The following AMZ1 variants were observed in gnomAD, a reference collection of about 807,000 sequenced individuals.
AMZ1 encodes archaemetzincin-1.
A neutral mutation model predicts 29.9 loss-of-function variants in AMZ1; 39 were observed. The observed-to-expected ratio is 1.30, with a 90% CI of 1.01 to 1.70. The LOEUF is 1.70. AMZ1 is among the 40% of genes most tolerant of loss of function. The probability of loss-of-function intolerance (pLI) is 0.00; values close to 1 mark genes in which losing one functional copy is unlikely to be tolerated. For missense variants in AMZ1, 1,041 were observed against 680.6 expected (o/e 1.53, Z -5.89); for synonymous variants, 458 against 304.0 (o/e 1.51, Z -5.27).
chr7:2,694,828 A>C (rs1373533076), intron 1 of AMZ1, among the ~76,000 whole-genome samples: 2 of 151,866 alleles, frequency 1.3e-5, no homozygotes, highest in Non-Finnish European at 2.9e-5. Context: ...ATGTGCCACC[A>C]CGCCTGGCTA....
At position 2,717,990 on chromosome 7, in the gene AMZ1, G is replaced by T. The variant is rs980430969; in HGVS notation, c.*5112G>T. ...GAGTCGAGCAAACACGGCGGCCCCTGCCTCCCCCGGCGGCTCCACAATGGC... is the reference window on the plus strand; with the variant it reads ...GAGTCGAGCAAACACGGCGGCCCCTTCCTCCCCCGGCGGCTCCACAATGGC... On this transcript the variant is annotated 3_prime_UTR_variant, in exon 7 of 7. Coordinates refer to ENST00000683327, the MANE Select transcript of AMZ1 (RefSeq NM_001384743.1). Among the ~76,000 whole-genome samples, 10 of 152,296 alleles carry T rather than the reference G, an allele frequency of 6.6e-5. No individual in the cohort carries two copies. Among genetic ancestry groups the T allele is most frequent in the African/African-American group, 2.4e-4 (10 of 41,558 alleles).
chr7:2,762,504 C>G, upstream of AMZ1: 1 of 911,616 alleles, frequency 1.1e-6, no homozygotes, highest in South Asian at 2.0e-5. Context: ...TGTGAGTAGC[C>G]TAACTGTGGA....
At chr7:2,739,955 G>C (rs1790415427) in intron 4 of AMZ1, among the ~76,000 whole-genome samples, 1 of 152,204 alleles carries the variant, frequency 6.6e-6, no homozygotes, top group South Asian at 2.1e-4. Context: ...TTACAGGTGT[G>C]AGTCACTGTG....
upstream of AMZ1, among the ~76,000 whole-genome samples, chr7:2,764,246 T>TTC (rs1196812974): frequency 1.2e-4 from 10 of 80,604 alleles, no homozygotes; most frequent in African/African-American, 3.6e-4. Flanking sequence ...GCTAATTTCT[T>TTC]TTTTTTTTTT....
rs757467508 is a variant in AMZ1, at chr7:2,709,258, C to T, written c.771+14C>T. 2 of 1,488,472 alleles carry T rather than the reference C, an allele frequency of 1.3e-6. No homozygotes were observed. The highest frequency in any genetic ancestry group is 5.0e-5 in the Admixed American group (2 of 39,972). 92.2% of individuals were successfully genotyped at this position (1,488,472 alleles called of 1,614,324 possible). ...CAGTGCTGCAAGGTGGGTGGGGGCT[C>T]TGGGGCTGGTAAGAGGGGACAGGAG... On this transcript the variant is annotated intron_variant, in intron 5 of 6. Coordinates refer to ENST00000683327, the MANE Select transcript of AMZ1 (RefSeq NM_001384743.1).
chr7:2,717,440 C>T lies in AMZ1; in HGVS notation c.*4562C>T, dbSNP rs891927902. Among the ~76,000 whole-genome samples the T allele has an allele frequency of 1.3e-5, 2 of 152,194 alleles. No homozygotes were observed. The highest frequency in any genetic ancestry group is 2.9e-5 in the Non-Finnish European group (2 of 68,034). On this transcript the variant is annotated 3_prime_UTR_variant, in exon 7 of 7. Transcript: ENST00000683327. ...CTGGCTGCCGTCCTGGGAGAGGCCC[C>T]GGGAACCGGCTCGCCCTGTACCCAA... is the stretch of plus-strand genomic sequence containing the variant.
upstream of AMZ1, chr7:2,763,190 CAACACACACACA>C (rs1388484339): frequency 5.7e-4 from 174 of 307,852 alleles, no homozygotes; most frequent in African/African-American, 6.2e-3. Context: ...CAAGACACCC[CAACACACACACA>C]CACACACACA....
chr7:2,685,910 C>G (rs996188662), upstream of AMZ1, among the ~76,000 whole-genome samples: 3 of 151,814 alleles, frequency 2.0e-5, no homozygotes, highest in African/African-American at 7.3e-5. Flanking sequence ...TCTGGGTTCT[C>G]CATCCCCAAC....
chr7:2,739,872 C>G (rs146679860), intron 4 of AMZ1, among the ~76,000 whole-genome samples: 1 of 152,062 alleles, frequency 6.6e-6, no homozygotes, highest in Admixed American at 6.6e-5. Context: ...GGGGTTTCAC[C>G]GTGTTGGCCA....
Position 2,731,740 on chromosome 7 carries a change from G to A in AMZ1, n.550+21924G>A. The A allele has an allele frequency of 1.3e-6, 2 of 1,518,532 alleles. No individual in the cohort carries two copies. Among genetic ancestry groups the A allele is most frequent in the Admixed American group, 2.0e-5 (1 of 49,798 alleles). 94.1% of individuals were successfully genotyped at this position (1,518,532 alleles called of 1,614,324 possible). Reference sequence around the variant, plus strand: ...AGCCAGCAGGATATCTTGCTTACTAGGAAAGTAATTCTGTAAAATACAGGA... The same window carrying A: ...AGCCAGCAGGATATCTTGCTTACTAAGAAAGTAATTCTGTAAAATACAGGA... On this transcript the variant is annotated intron_variant and non_coding_transcript_variant, in intron 4 of 4. Coordinates refer to the AMZ1 transcript ENST00000489665. This position sits in a 1 kb window ranked among gnomAD's most constrained non-coding sequence, Gnocchi z 6.0.
At position 2,688,244 on chromosome 7, in the gene AMZ1, GGCTCGGTGCCCGGC is replaced by G. The variant is rs1342635619; in HGVS notation, c.-268_-255del. ...CCGAGCTGCCCACGCTGCTGCCCGG[GGCTCGGTGCCCGGC>G]GCGGCCTCTGCCGGCTCCGGCGGGC... is the stretch of plus-strand genomic sequence containing the variant. On this transcript the variant is annotated 5_prime_UTR_variant, in exon 1 of 7. Coordinates refer to ENST00000683327, the MANE Select transcript of AMZ1 (RefSeq NM_001384743.1). 2 of 151,960 alleles carry G rather than the reference GGCTCGGTGCCCGGC, an allele frequency of 1.3e-5. No individual in the cohort carries two copies. The highest frequency in any genetic ancestry group is 2.9e-5 in the Non-Finnish European group (2 of 67,986). The allele number at this position is 151,960 out of a possible 1,614,324, so 9.4% of individuals were successfully genotyped here.
At chr7:2,723,589 C>T (rs1196184002), downstream of AMZ1, among the ~76,000 whole-genome samples, 4 of 152,180 alleles carry the variant, frequency 2.6e-5, no homozygotes, top group South Asian at 2.1e-4. Flanking sequence ...GCCACAGTCT[C>T]GAGGGGTTCA....
At chr7:2,696,475 T>C (rs567302979) in intron 1 of AMZ1, among the ~76,000 whole-genome samples, 3 of 149,608 alleles carry the variant, frequency 2.0e-5, no homozygotes, top group Non-Finnish European at 4.5e-5. Context: ...GCCAGGATGG[T>C]CTCGATCTCC....
chr7:2,686,054 C>A (rs920825177), upstream of AMZ1, among the ~76,000 whole-genome samples: 2 of 152,078 alleles, frequency 1.3e-5, no homozygotes, highest in Non-Finnish European at 2.9e-5. Context: ...GAAACAAGAT[C>A]GTCTATCACA....
In AMZ1 at chr7:2,701,366, A is replaced by T. The variant is rs747279170; in HGVS notation, c.304+611A>T. 4.7e-4 allele frequency among the ~76,000 whole-genome samples: 72 copies of T among 152,226 alleles called. 1 individual carries two copies. Among genetic ancestry groups the T allele is most frequent in the Non-Finnish European group, 8.1e-4 (55 of 67,998 alleles). The stretch of plus-strand genomic sequence containing the variant: ...TGGTCACTGGTAGGGACGGGACTGG[A>T]ACGCAGTTCTATTTGACCCTGGGGC... On this transcript the variant is annotated intron_variant, in intron 2 of 6. Transcript: ENST00000683327.
chr7:2,710,548 C>T (rs941859244), intron 6 of AMZ1, among the ~76,000 whole-genome samples: 1 of 152,166 alleles, frequency 6.6e-6, no homozygotes, highest in South Asian at 2.1e-4. Flanking sequence ...GTCAGAATCC[C>T]CTGCAGGGCC....
chr7:2,709,228 T>C lies in AMZ1; in HGVS notation c.755T>C (p.Met252Thr). The change falls in exon 5 of 7, where the codon ATG becomes ACG. Residue 252 changes from methionine to threonine, a missense_variant. Physicochemically the swap from Met to Thr is moderately conservative, Grantham distance 81. Coordinates refer to ENST00000683327, the MANE Select transcript of AMZ1 (RefSeq NM_001384743.1). ...GWALCFSALG[M>T]VQCCKVTCHE... is the part of the protein sequence containing the mutation. ...GCCCTGTGCTTCAGTGCCCTGGGGA[T>C]GGTTCAGTGCTGCAAGGTGGGTGGG... The C allele has an allele frequency of 6.6e-7, 1 of 1,506,344 alleles. No individual in the cohort carries two copies. The highest frequency in any genetic ancestry group is 2.3e-5 in the Admixed American group (1 of 42,786). 93.3% of individuals were successfully genotyped at this position (1,506,344 alleles called of 1,614,324 possible). A position where few individuals can be genotyped will look rare whatever the true frequency, so the allele number is the denominator to read the frequency against.
Position 2,712,888 on chromosome 7 carries a change from G to T in AMZ1, c.*10G>T, listed in dbSNP as rs746798101. 14 of 1,511,548 alleles carry T rather than the reference G, an allele frequency of 9.3e-6. No homozygotes were observed. The highest frequency in any genetic ancestry group is 1.2e-5 in the Non-Finnish European group (14 of 1,130,016). 93.6% of individuals were successfully genotyped at this position (1,511,548 alleles called of 1,614,324 possible). A position where few individuals can be genotyped will look rare whatever the true frequency, so the allele number is the denominator to read the frequency against. ...TGGGGAAGAGAGTTAGTACAGCAGG[G>T]GCTGCCCTACGTCTCCTTCCCTAAG... On this transcript the variant is annotated 3_prime_UTR_variant, in exon 7 of 7. Coordinates refer to ENST00000683327, the MANE Select transcript of AMZ1 (RefSeq NM_001384743.1).
rs749495362 is a variant in AMZ1, at chr7:2,709,063, A to C, written c.602-12A>C. On this transcript the variant is annotated splice_polypyrimidine_tract_variant and intron_variant, in intron 4 of 6. Coordinates refer to ENST00000683327, the MANE Select transcript of AMZ1 (RefSeq NM_001384743.1). ...GACCCCTGAGAGTGCCCTTCTCTCC[A>C]TCTCTCTCCAGAAGTGGGCGTCTGC... 2 of 1,564,228 alleles carry C rather than the reference A, an allele frequency of 1.3e-6. No individual in the cohort carries two copies. The highest frequency in any genetic ancestry group is 1.7e-6 in the Non-Finnish European group (2 of 1,157,018).
Sources: allele counts gnomAD v4.1 joint callset (sites outside exome capture counted in the v4.1 genomes callset), GRCh38; gene constraint gnomAD v4.1.1; non-coding constraint Gnocchi (gnomAD v3.1); transcripts MANE v1.5; gene names NCBI Gene and HGNC (gene_info 2026-07-23, HGNC 2026-07-21).